Variants in ELMO1 observed in about 807,000 individuals in gnomAD.
ELMO1 encodes engulfment and cell motility protein 1.
Under a neutral mutation model 98.9 loss-of-function variants are expected in ELMO1, and 26 were observed. The observed-to-expected ratio is 0.26, with a 90% CI of 0.19 to 0.36. ELMO1 has a LOEUF of 0.36. Among genes scored for constraint, ELMO1 ranks in the 10% least tolerant of loss-of-function variants. The pLI is 1.00. For synonymous variants in ELMO1, 346 were observed against 346.0 expected (o/e 1.00, Z 0.00); for missense variants, 627 against 935.2 (o/e 0.67, Z 4.30).
chr7:37,163,843 G>C (rs545185015), intron 13 of ELMO1, among the ~76,000 whole-genome samples: 1 of 152,300 alleles, frequency 6.6e-6, no homozygotes, highest in South Asian at 2.1e-4. Flanking sequence ...AGTCCTTTGG[G>C]TATATACCCA....
chr7:37,216,766 C>T, intron 10 of ELMO1, 71 bp from the exon 11 acceptor site: 1 of 1,558,702 alleles, frequency 6.4e-7, no homozygotes, highest in South Asian at 1.1e-5. Flanking sequence ...CCAAAAATGA[C>T]CTTATCCTGG....
intron 16 of ELMO1, among the ~76,000 whole-genome samples, chr7:36,975,896 G>C (rs760722855): frequency 6.0e-5 from 9 of 149,252 alleles, no homozygotes; most frequent in Non-Finnish European, 1.2e-4. Flanking sequence ...TCAATATATA[G>C]TTGAATGTAC....
At position 37,324,523 on chromosome 7, in the gene ELMO1, A is replaced by G. The variant is rs376361668; in HGVS notation, c.79-8563T>C. On this transcript the variant is annotated intron_variant, in intron 2 of 21. Coordinates refer to ENST00000310758, the MANE Select transcript of ELMO1 (RefSeq NM_014800.11). ...ACGAGAAAAGGTTTTAGAATGATGA[A>G]TTTTTATTGACTACGTGTTTTTCTC... 2.2e-4 allele frequency among the ~76,000 whole-genome samples: 33 copies of G among 152,298 alleles called. No individual in the cohort carries two copies. The East Asian group carries it at 4.2e-3, about 20-fold the overall frequency.
In ELMO1 at chr7:37,178,621, G is replaced by GAAA. The variant is rs11402394; in HGVS notation, c.1086+32762_1086+32764dup. ...TGTCTCAAAAAAATTTTTTTAATTA[G>GAAA]AAAAAAAACAGTATTAGCACCATAG... On this transcript the variant is annotated intron_variant, in intron 13 of 21. Transcript: ENST00000310758. 3.3e-5 allele frequency among the ~76,000 whole-genome samples: 5 copies of GAAA among 151,454 alleles called. No homozygotes were observed. In the East Asian group the frequency reaches 5.9e-4, roughly 18 times the overall value.
At chr7:37,114,361 G>A (rs1393844060) in intron 14 of ELMO1, among the ~76,000 whole-genome samples, 2 of 152,178 alleles carry the variant, frequency 1.3e-5, no homozygotes, top group Non-Finnish European at 2.9e-5. Flanking sequence ...TAGGTTTCTG[G>A]AAAGCAGAGT....
intron 15 of ELMO1, among the ~76,000 whole-genome samples, chr7:37,065,408 G>A (rs1432196089): frequency 6.6e-6 from 1 of 151,994 alleles, no homozygotes; most frequent in African/African-American, 2.4e-5. Context: ...GCTAGCTAAG[G>A]ACTCCAGTGT....
intron 13 of ELMO1, among the ~76,000 whole-genome samples, chr7:37,199,105 A>ACAATG (rs1394843959): frequency 6.6e-6 from 1 of 152,238 alleles, no homozygotes; most frequent in Admixed American, 6.5e-5. Context: ...CTAAGGCACC[A>ACAATG]CAATGCGTGC....
chr7:37,008,651 C>T (rs934489496), intron 16 of ELMO1, among the ~76,000 whole-genome samples: 2 of 152,102 alleles, frequency 1.3e-5, no homozygotes, highest in African/African-American at 4.8e-5. Context: ...TTTATTATCA[C>T]CCCACCAAAA....
Position 37,347,507 on chromosome 7 carries a change from T to A in ELMO1, c.-73-4744A>T, listed in dbSNP as rs914621119. Among the ~76,000 whole-genome samples the A allele has an allele frequency of 4.3e-5, 4 of 92,618 alleles. 1 individual carries two copies. The highest frequency in any genetic ancestry group is 1.6e-4 in the African/African-American group (4 of 24,752). 60.8% of individuals were successfully genotyped at this position (92,618 alleles called of 152,430 possible). A position where few individuals can be genotyped will look rare whatever the true frequency, so the allele number is the denominator to read the frequency against. On this transcript the variant is annotated intron_variant, in intron 1 of 21. Coordinates refer to ENST00000310758, the MANE Select transcript of ELMO1 (RefSeq NM_014800.11). Reference sequence around the variant, plus strand: ...CCCCCATACTATTCTTACGGTACTATTCTTATGGTATTCTTATTCTTATTC... The same window carrying A: ...CCCCCATACTATTCTTACGGTACTAATCTTATGGTATTCTTATTCTTATTC...
At chr7:37,152,706 T>C (rs184355834) in intron 13 of ELMO1, among the ~76,000 whole-genome samples, 1 of 152,124 alleles carries the variant, frequency 6.6e-6, no homozygotes, top group African/African-American at 2.4e-5. Flanking sequence ...GGTAGCTTCA[T>C]TTAGTGAAGT....
At chr7:37,230,626 A>G (rs1284880217) in intron 8 of ELMO1, among the ~76,000 whole-genome samples, 1 of 152,220 alleles carries the variant, frequency 6.6e-6, no homozygotes, top group Non-Finnish European at 1.5e-5. Flanking sequence ...AGTAGAACAT[A>G]ATTTCAAGGA....
intron 18 of ELMO1, among the ~76,000 whole-genome samples, chr7:36,879,976 G>A (rs1804304132): frequency 6.6e-6 from 1 of 152,198 alleles, no homozygotes; most frequent in Admixed American, 6.5e-5. Flanking sequence ...TAGGAACTGT[G>A]AATTCCAGAG....
chr7:37,257,222 C>A (rs542197561), intron 6 of ELMO1, among the ~76,000 whole-genome samples: 3 of 152,330 alleles, frequency 2.0e-5, no homozygotes, highest in South Asian at 2.1e-4. Context: ...AAGGGACATT[C>A]CTTCCTCCCT....
chr7:36,985,905 A>G (rs1489655696), intron 16 of ELMO1: 1 of 1,002,092 alleles, frequency 1.0e-6, no homozygotes, highest in East Asian at 1.1e-4. Context: ...CACATGTGTG[A>G]GACGGAGGTT....
intron 1 of ELMO1, among the ~76,000 whole-genome samples, chr7:37,385,760 C>T (rs1032348479): frequency 1.9e-4 from 29 of 152,264 alleles, no homozygotes; most frequent in Non-Finnish European, 3.7e-4. Context: ...TAGCTTCCCA[C>T]ATGGCAAAAT....
At chr7:37,349,424 C>A (rs1439765687) in intron 1 of ELMO1, among the ~76,000 whole-genome samples, 10 of 152,292 alleles carry the variant, frequency 6.6e-5, no homozygotes, top group Admixed American at 5.9e-4. Flanking sequence ...GCACTGCTGT[C>A]TTCCTGGAGC....
chr7:36,911,014 A>C (rs1460272236), intron 16 of ELMO1, among the ~76,000 whole-genome samples: 1 of 152,192 alleles, frequency 6.6e-6, no homozygotes, highest in African/African-American at 2.4e-5. Context: ...ATCTTTAGGA[A>C]ATCGATGTTG....
intron 14 of ELMO1, among the ~76,000 whole-genome samples, chr7:37,107,451 C>G (rs1207276433): frequency 6.6e-6 from 1 of 152,156 alleles, no homozygotes; most frequent in Non-Finnish European, 1.5e-5. Flanking sequence ...GCAAGAAAGA[C>G]TAATTACAAT....
intron 15 of ELMO1, among the ~76,000 whole-genome samples, chr7:37,077,896 G>A (rs1179730375): frequency 1.3e-5 from 2 of 152,170 alleles, no homozygotes; most frequent in South Asian, 2.1e-4. Flanking sequence ...TCCTGCCTTC[G>A]TGAGTAAAGG....
Sources: allele counts gnomAD v4.1 joint callset (sites outside exome capture counted in the v4.1 genomes callset), GRCh38; gene constraint gnomAD v4.1.1; transcripts MANE v1.5; gene names NCBI Gene and HGNC (gene_info 2026-07-23, HGNC 2026-07-21).